UGT1A7: variants seen among roughly 807,000 people sequenced by gnomAD.
UGT1A7 encodes the protein UDP-glucuronosyltransferase 1A7.
A neutral mutation model predicts 45.6 loss-of-function variants in UGT1A7; 33 were observed. The ratio of observed to expected loss-of-function variants is 0.72; its 90% CI spans 0.55 to 0.97. The LOEUF (loss-of-function observed/expected upper bound fraction) is 0.97, where lower values mean the gene tolerates loss of function less well. Among genes scored for constraint, UGT1A7 ranks in the 50% least tolerant of loss-of-function variants. UGT1A7 has a pLI of 0.00. For missense variants in UGT1A7, 684 were observed against 666.2 expected, an observed-to-expected ratio of 1.03 and a Z score of -0.29; for synonymous variants, 274 against 250.6, an observed-to-expected ratio of 1.09 and a Z score of -0.88.
chr2:233,732,934 A>G (rs1157775359), intron 1 of UGT1A7, among the ~76,000 whole-genome samples: 1 of 152,018 alleles, frequency 6.6e-6, no homozygotes, highest in Non-Finnish European at 1.5e-5. Context: ...GATTCTTCCT[A>G]TCCATGAGCA....
Position 233,760,789 on chromosome 2 carries a change from A to G in UGT1A7, c.856-6245A>G, listed in dbSNP as rs756010756. 3.7e-6 allele frequency: 6 copies of G among 1,613,282 alleles called. No homozygotes were observed. In the African/African-American group the frequency reaches 6.7e-5, roughly 18 times the overall value. On this transcript the variant is annotated intron_variant, in intron 1 of 4. Coordinates refer to ENST00000373426, the MANE Select transcript of UGT1A7 (RefSeq NM_019077.3). Reference sequence around the variant, plus strand: ...CGTGGCCCAGTACCTGTCTCTGCCCACTGTATTCTTCTTGCATGCACTGCC... The same window carrying G: ...CGTGGCCCAGTACCTGTCTCTGCCCGCTGTATTCTTCTTGCATGCACTGCC...
chr2:233,757,535 A>AATAAATATACATATACATATAT (rs1553619837), intron 1 of UGT1A7, among the ~76,000 whole-genome samples: 4 of 88,306 alleles, frequency 4.5e-5, no homozygotes, highest in African/African-American at 2.0e-4. Flanking sequence ...GCCTGTAAGG[A>AATAAATATACATATACATATAT]ATATATATAT....
intron 1 of UGT1A7, among the ~76,000 whole-genome samples, chr2:233,748,701 G>A (rs1009365045): frequency 6.6e-6 from 1 of 151,652 alleles, no homozygotes; most frequent in Non-Finnish European, 1.5e-5. Context: ...TTCTGGTCAG[G>A]ATTTGGGGTC....
intron 1 of UGT1A7, among the ~76,000 whole-genome samples, chr2:233,689,708 T>C (rs1575441834): frequency 6.6e-6 from 1 of 152,206 alleles, no homozygotes; most frequent in Non-Finnish European, 1.5e-5. Context: ...TTTCCCCTTA[T>C]CTGAGGTCTG....
chr2:233,729,440 A>G (rs2077859052), intron 1 of UGT1A7: 2 of 1,613,960 alleles, frequency 1.2e-6, no homozygotes, highest in Non-Finnish European at 1.7e-6. Context: ...GAAACAGAAC[A>G]TTTTCTGAAG....
chr2:233,759,108 C>T (rs1480612171), intron 1 of UGT1A7, among the ~76,000 whole-genome samples: 2 of 152,176 alleles, frequency 1.3e-5, no homozygotes, highest in African/African-American at 2.4e-5. Flanking sequence ...AGTTTGCAAA[C>T]CAGGGAGTTA....
intron 1 of UGT1A7, among the ~76,000 whole-genome samples, chr2:233,748,554 C>T (rs1045487950): frequency 2.0e-5 from 3 of 151,692 alleles, no homozygotes; most frequent in Non-Finnish European, 2.9e-5. Context: ...CCTAAGCACT[C>T]GCAGGAAGTA....
At chr2:233,729,519 A>G in intron 1 of UGT1A7, 1 of 1,614,214 alleles carries the variant, frequency 6.2e-7, no homozygotes, top group Middle Eastern at 1.6e-4. Context: ...GTGTGGAGCT[A>G]CTACATAATG....
chr2:233,685,099 A>G (rs886216892), intron 1 of UGT1A7, among the ~76,000 whole-genome samples: 4 of 152,174 alleles, frequency 2.6e-5, no homozygotes, highest in South Asian at 2.1e-4. Flanking sequence ...CCTATAACAA[A>G]ATCTTATTGA....
chr2:233,766,694 C>G (rs996253647), intron 1 of UGT1A7, among the ~76,000 whole-genome samples: 7 of 152,162 alleles, frequency 4.6e-5, no homozygotes, highest in Non-Finnish European at 1.0e-4. Context: ...ATCACTGATG[C>G]CTTGCTCTGT....
intron 1 of UGT1A7, among the ~76,000 whole-genome samples, chr2:233,720,845 G>A (rs1182683135): frequency 1.3e-5 from 2 of 150,558 alleles, no homozygotes; most frequent in African/African-American, 2.5e-5. Flanking sequence ...AACTGGGACT[G>A]CAGGCATGTG....
chr2:233,694,680 C>T (rs2075234275), intron 1 of UGT1A7, among the ~76,000 whole-genome samples: 1 of 152,146 alleles, frequency 6.6e-6, no homozygotes. Context: ...TCAAACAGGT[C>T]CCAAAGACCC....
intron 1 of UGT1A7, among the ~76,000 whole-genome samples, chr2:233,720,841 G>C (rs529446200): frequency 2.0e-5 from 3 of 151,096 alleles, no homozygotes; most frequent in African/African-American, 7.3e-5. Context: ...GAGTAACTGG[G>C]ACTGCAGGCA....
chr2:233,713,726 G>A (rs1243333945), intron 1 of UGT1A7: 1 of 1,613,960 alleles, frequency 6.2e-7, no homozygotes, highest in Non-Finnish European at 8.5e-7. Flanking sequence ...AGGTGTCAGT[G>A]GTGGATCTTG....
chr2:233,718,710 T>G (rs1277838228), intron 1 of UGT1A7: 4 of 1,606,080 alleles, frequency 2.5e-6, no homozygotes, highest in Admixed American at 1.7e-5. Flanking sequence ...TGTCTTCCAA[T>G]TACATGCTGA....
chr2:233,715,564 G>T (rs1223730449), intron 1 of UGT1A7, among the ~76,000 whole-genome samples: 1 of 152,032 alleles, frequency 6.6e-6, no homozygotes, highest in African/African-American at 2.4e-5. Context: ...TTGAGCCCAG[G>T]AGTCTGAGAG....
At chr2:233,762,940 A>G (rs1474565729) in intron 1 of UGT1A7, among the ~76,000 whole-genome samples, 1 of 152,236 alleles carries the variant, frequency 6.6e-6, no homozygotes, top group Admixed American at 6.5e-5. Context: ...AAACAGTTGA[A>G]TAATTCTGGC....
chr2:233,724,658 G>C lies in UGT1A7; in HGVS notation c.855+41866G>C, dbSNP rs1029278749. 3.5e-5 allele frequency among the ~76,000 whole-genome samples: 5 copies of C among 142,980 alleles called. 1 individual carries two copies. Among genetic ancestry groups the C allele is most frequent in the African/African-American group, 1.3e-4 (5 of 37,636 alleles). 93.8% of individuals were successfully genotyped at this position (142,980 alleles called of 152,430 possible). On this transcript the variant is annotated intron_variant, in intron 1 of 4. Coordinates refer to ENST00000373426, the MANE Select transcript of UGT1A7 (RefSeq NM_019077.3). ...GATGTGATGGCGGCTGGGAAGAGGC[G>C]CTCCTCACTTCCTAGATGGGATGGC...
Position 233,760,681 on chromosome 2 carries a change from C to A in UGT1A7, c.856-6353C>A, listed in dbSNP as rs769242961. The A allele has an allele frequency of 2.5e-6, 4 of 1,614,246 alleles. No homozygotes were observed. In the South Asian group the frequency reaches 4.4e-5, roughly 18 times the overall value. On this transcript the variant is annotated intron_variant, in intron 1 of 4. Transcript: ENST00000373426. ...TTTGTCTGGCTGTTCCCACTTACTG[C>A]ACAACAAGGAGCTCATGGCCTCCCT... is the stretch of plus-strand genomic sequence containing the variant.
Sources: allele counts gnomAD v4.1 joint callset (sites outside exome capture counted in the v4.1 genomes callset), GRCh38; gene constraint gnomAD v4.1.1; transcripts MANE v1.5; gene names NCBI Gene and HGNC (gene_info 2026-07-23, HGNC 2026-07-21).